Variants in DLC1 observed in about 807,000 individuals in gnomAD.
DLC1 encodes the protein rho GTPase-activating protein 7.
DLC1 carries 54 observed loss-of-function variants against 140.3 expected under a neutral mutation model. That is an observed-to-expected ratio of 0.38 (90% CI 0.31 to 0.48). DLC1 has a LOEUF of 0.48. DLC1 is among the 20% of genes least tolerant of loss of function. The probability of loss-of-function intolerance (pLI) is 0.96; values close to 1 mark genes in which losing one functional copy is unlikely to be tolerated. For synonymous variants in DLC1, 986 were observed against 728.1 expected, an observed-to-expected ratio of 1.35 and a Z score of -5.70; for missense variants, 2,536 against 1,907.0, an observed-to-expected ratio of 1.33 and a Z score of -6.14.
intron 5 of DLC1, among the ~76,000 whole-genome samples, chr8:13,262,731 A>G (rs1376189310): frequency 2.6e-5 from 4 of 152,098 alleles, no homozygotes; most frequent in Non-Finnish European, 5.9e-5. Context: ...TGGATCATGA[A>G]CCACCATTTT....
chr8:13,599,920 T>C (rs1018430287), intron 1 of DLC1, among the ~76,000 whole-genome samples: 3 of 152,004 alleles, frequency 2.0e-5, no homozygotes, highest in Non-Finnish European at 4.4e-5. Context: ...TATCAGTCTG[T>C]ATGAGGTATG....
rs138694063 is a variant in DLC1 at position 13,378,837 on chromosome 8, C to T, written c.1314+14716G>A. 2.6e-5 allele frequency among the ~76,000 whole-genome samples: 4 copies of T among 152,192 alleles called. No individual in the cohort carries two copies. The East Asian group carries it at 7.7e-4, about 29-fold the overall frequency. On this transcript the variant is annotated intron_variant, in intron 4 of 17. Coordinates refer to ENST00000276297, the MANE Select transcript of DLC1 (RefSeq NM_182643.3). The stretch of plus-strand genomic sequence containing the variant: ...GTAATGTCCCTTCCAATTCATACAG[C>T]AAATATAATTACGAATAATCCACTC...
intron 5 of DLC1, chr8:13,276,568 G>C (rs1010221270): frequency 3.9e-6 from 5 of 1,268,716 alleles, no homozygotes; most frequent in South Asian, 5.9e-5. Context: ...CCTGGCCCGC[G>C]GCCAAGCGCG....
chr8:13,331,102 G>A (rs1433859434), intron 4 of DLC1, among the ~76,000 whole-genome samples: 2 of 152,180 alleles, frequency 1.3e-5, no homozygotes. Context: ...CCTTTGGGTG[G>A]ATTCCTGGTC....
At chr8:13,551,906 A>G (rs1055011899) in intron 1 of DLC1, among the ~76,000 whole-genome samples, 13 of 146,970 alleles carry the variant, frequency 8.8e-5, no homozygotes, top group African/African-American at 3.0e-4. Flanking sequence ...ACATATATAT[A>G]TATATATGTA....
chr8:13,131,892 G>T (rs1417978110), intron 5 of DLC1, among the ~76,000 whole-genome samples: 1 of 152,182 alleles, frequency 6.6e-6, no homozygotes, highest in South Asian at 2.1e-4. Context: ...GCTGTGCGCT[G>T]AAGGACGCTC....
At chr8:13,095,973 G>C (rs1221112352) in intron 10 of DLC1, 2 of 152,200 alleles carry the variant, frequency 1.3e-5, no homozygotes, top group African/African-American at 2.4e-5. Context: ...TGGGGGTTTT[G>C]TGAGCCGACC....
intron 4 of DLC1, among the ~76,000 whole-genome samples, chr8:13,349,909 C>T (rs888341197): frequency 1.3e-5 from 2 of 152,282 alleles, no homozygotes; most frequent in Admixed American, 1.3e-4. Context: ...TGACTGGATC[C>T]AGCTGCATAT....
intron 4 of DLC1, among the ~76,000 whole-genome samples, chr8:13,306,006 A>C (rs1248535585): frequency 6.6e-6 from 1 of 152,172 alleles, no homozygotes; most frequent in Non-Finnish European, 1.5e-5. Flanking sequence ...TTCTGTGCAC[A>C]CAAGTGAGGT....
chr8:13,600,584 A>G (rs940189970), intron 1 of DLC1, among the ~76,000 whole-genome samples: 27 of 151,934 alleles, frequency 1.8e-4, no homozygotes, highest in African/African-American at 6.3e-4. Context: ...CAGTTGAAAA[A>G]AGAAAAAGTG....
At chr8:13,260,983 T>C (rs925185368) in intron 5 of DLC1, among the ~76,000 whole-genome samples, 2 of 152,168 alleles carry the variant, frequency 1.3e-5, no homozygotes, top group Non-Finnish European at 2.9e-5. Context: ...TGTGTATGCC[T>C]TTTGGTTTAT....
intron 1 of DLC1, among the ~76,000 whole-genome samples, chr8:13,575,873 T>G (rs1804818788): frequency 1.3e-5 from 2 of 152,184 alleles, no homozygotes; most frequent in Non-Finnish European, 2.9e-5. Context: ...TATTGTGGCT[T>G]TAGTATGCAC....
At chr8:13,273,786 G>A (rs891185182) in intron 5 of DLC1, among the ~76,000 whole-genome samples, 4 of 150,758 alleles carry the variant, frequency 2.7e-5, no homozygotes, top group African/African-American at 7.4e-5. Flanking sequence ...GAGAGAGAGA[G>A]AATGAATAAG....
intron 2 of DLC1, among the ~76,000 whole-genome samples, chr8:13,410,959 A>G (rs1189282417): frequency 2.0e-5 from 3 of 152,176 alleles, no homozygotes; most frequent in African/African-American, 7.2e-5. Context: ...TGAAACCCTC[A>G]TGGGTTTTAT....
chr8:13,194,179 C>T (rs2116203), intron 5 of DLC1, among the ~76,000 whole-genome samples: 102,042 of 152,072 alleles, frequency 0.67, 34,637 homozygotes, highest in East Asian at 0.86. Context: ...TCAAATGCCA[C>T]ATTTTTCCAG....
chr8:13,386,256 A>G (rs1470478606), intron 4 of DLC1, among the ~76,000 whole-genome samples: 2 of 152,148 alleles, frequency 1.3e-5, no homozygotes, highest in Non-Finnish European at 2.9e-5. Flanking sequence ...ATTCTAATCT[A>G]TCATTCTTAT....
At chr8:13,430,938 C>G (rs1051659560) in intron 2 of DLC1, among the ~76,000 whole-genome samples, 8 of 152,126 alleles carry the variant, frequency 5.3e-5, no homozygotes, top group Non-Finnish European at 7.4e-5. Context: ...GCATGTATGG[C>G]TAATTGCTAT....
chr8:13,424,600 T>C (rs1483770115), intron 2 of DLC1, among the ~76,000 whole-genome samples: 1 of 151,976 alleles, frequency 6.6e-6, no homozygotes, highest in African/African-American at 2.4e-5. Context: ...TGAGATGGAG[T>C]CTGGCTCTGT....
At chr8:13,399,286 A>T (rs1275237505) in intron 3 of DLC1, among the ~76,000 whole-genome samples, 1 of 152,178 alleles carries the variant, frequency 6.6e-6, no homozygotes, top group African/African-American at 2.4e-5. Context: ...TGTAAAGAAA[A>T]AACTGGCATG....
Sources: allele counts gnomAD v4.1 joint callset (sites outside exome capture counted in the v4.1 genomes callset), GRCh38; gene constraint gnomAD v4.1.1; transcripts MANE v1.5; gene names NCBI Gene and HGNC (gene_info 2026-07-23, HGNC 2026-07-21).